GAS2L2: variants seen among roughly 807,000 people sequenced by gnomAD.
GAS2L2 encodes GAS2-like protein 2.
Under a neutral mutation model 35.2 loss-of-function variants are expected in GAS2L2, and 21 were observed. The ratio of observed to expected loss-of-function variants is 0.60; its 90% CI spans 0.42 to 0.86. The LOEUF (loss-of-function observed/expected upper bound fraction) is 0.86. Among genes scored for constraint, GAS2L2 ranks in the 40% least tolerant of loss-of-function variants. The pLI, the probability that GAS2L2 is intolerant of heterozygous loss-of-function variation, is 0.00. For missense variants in GAS2L2, 1,169 were observed against 1,144.4 expected (o/e 1.02, Z -0.31); for synonymous variants, 490 against 473.2 (o/e 1.04, Z -0.46).
chr17:35,751,145 A>G (rs1555599730), intron 1 of GAS2L2, among the ~76,000 whole-genome samples: 1 of 151,996 alleles, frequency 6.6e-6, no homozygotes, highest in African/African-American at 2.4e-5. Context: ...GGCCAATGAG[A>G]TGAAGGATCC....
At position 35,752,959 on chromosome 17, in the gene GAS2L2, C is replaced by T; in HGVS notation, c.-109G>A. 1 of 1,244,278 alleles carries T rather than the reference C, an allele frequency of 8.0e-7. No individual in the cohort carries two copies. Among genetic ancestry groups the T allele is most frequent in the East Asian group, 2.5e-5 (1 of 39,886 alleles). 77.1% of individuals were successfully genotyped at this position (1,244,278 alleles called of 1,614,324 possible). On this transcript the variant is annotated 5_prime_UTR_variant, in exon 1 of 6. Coordinates refer to ENST00000604641, the MANE Select transcript of GAS2L2 (RefSeq NM_139285.4). ...TGGGTTCTTCCTGATTCTGAGGTTC[C>T]CGTGTACTCGCTGAGAGCCCGGGAC...
In GAS2L2 at chr17:35,747,945, T is replaced by G; in HGVS notation, c.736A>C (p.Ile246Leu). 3.1e-6 allele frequency: 5 copies of G among 1,612,558 alleles called. No homozygotes were observed. Among genetic ancestry groups the G allele is most frequent in the Non-Finnish European group, 4.2e-6 (5 of 1,179,062 alleles). ...GDSNTLIFIR[I>L]LRNHVMVRVG... ...CGTACCATCACATGGTTCCGGAGGA[T>G]CTGAGGGGGCAAGGGTGAGGTTAAG... The change falls in exon 4 of 6, where the codon ATC (isoleucine) becomes CTC (leucine). Residue 246 changes from isoleucine (I) to leucine (L), a missense_variant and splice_region_variant. Coordinates refer to ENST00000604641, the MANE Select transcript of GAS2L2 (RefSeq NM_139285.4).
chr17:35,752,773 C>G lies in GAS2L2; in HGVS notation c.78G>C (p.Ser26=). 6.2e-7 allele frequency: 1 copy of G among 1,613,800 alleles called. No individual in the cohort carries two copies. The highest frequency in any genetic ancestry group is 8.5e-7 in the Non-Finnish European group (1 of 1,180,016). The change falls in exon 1 of 6, where the codon TCG becomes TCC. Residue 26 remains serine, a synonymous_variant. Transcript: ENST00000604641. ...TCATGGCCTCCAGGTACTGCTCACT[C>G]GACTTGAAAGGCCGGATACTGCACA... is the stretch of plus-strand genomic sequence containing the variant. ...PPVCSIRPFK[S]SEQYLEAMKE...
chr17:35,751,018 C>G (rs75496745), intron 1 of GAS2L2, among the ~76,000 whole-genome samples: 10,069 of 152,266 alleles, frequency 0.066, 434 homozygotes, highest in South Asian at 0.15. Flanking sequence ...AATTCTGTTC[C>G]TCAGTGCCCA....
At position 35,744,769 on chromosome 17, in the gene GAS2L2, C is replaced by T; in HGVS notation, c.*85G>A. 3 of 1,053,508 alleles carry T rather than the reference C, an allele frequency of 2.8e-6. No homozygotes were observed. The highest frequency in any genetic ancestry group is 2.1e-4 in the Middle Eastern group (1 of 4,788). 65.3% of individuals were successfully genotyped at this position (1,053,508 alleles called of 1,614,324 possible). On this transcript the variant is annotated 3_prime_UTR_variant, in exon 6 of 6. Transcript: ENST00000604641. Reference sequence around the variant, plus strand: ...AAGGCCCTGTGTGGAGGTGAGGGAACATCCCTTCTGTTCCCGCAGCTGTGA... The same window carrying T: ...AAGGCCCTGTGTGGAGGTGAGGGAATATCCCTTCTGTTCCCGCAGCTGTGA...
At chr17:35,748,036 G>A in intron 3 of GAS2L2, 91 bp from the exon 4 acceptor site, 3 of 896,530 alleles carry the variant, frequency 3.3e-6, no homozygotes, top group South Asian at 1.5e-5. Flanking sequence ...ACTCAGGGAT[G>A]CTCTCATCCA....
In GAS2L2 at chr17:35,745,433, TC is replaced by T. The variant is rs1555598754; in HGVS notation, c.2063del (p.Gly688AspfsTer22). On this transcript the variant is annotated frameshift_variant, in exon 6 of 6. Transcript: ENST00000604641. LOFTEE classifies it low-confidence loss of function (END_TRUNC). ...TGSPKPAVTP[G>X]PGSLKGKLGA... ...CCAACTTCCCTTTGAGGCTTCCCGG[TC>T]CTGGGGTAACAGCTGGCTTAGGGGA... The T allele has an allele frequency of 6.3e-7, 1 of 1,576,294 alleles. No homozygotes were observed. Among genetic ancestry groups the T allele is most frequent in the Non-Finnish European group, 8.6e-7 (1 of 1,160,168 alleles).
At position 35,745,762 on chromosome 17, in the gene GAS2L2, C is replaced by T. The variant is rs1555598820; in HGVS notation, c.1735G>A (p.Gly579Ser). 1.2e-6 allele frequency: 2 copies of T among 1,613,796 alleles called. No individual in the cohort carries two copies. Among genetic ancestry groups the T allele is most frequent in the Non-Finnish European group, 1.7e-6 (2 of 1,180,040 alleles). ...MAEARESWDL[G>S]LQEQEGRYTP... ...TACCGCCCCTCCTGCTCCTGTAGGC[C>T]CAGGTCCCAGGACTCTCTGGCCTCT... The change falls in exon 6 of 6, where the codon GGC (glycine) becomes AGC (serine). Residue 579 changes from glycine to serine, a missense_variant. Gly to Ser is a moderately conservative substitution (Grantham distance 56). This residue lies in a region of GAS2L2 where 1,035 missense variants were observed against 976.5 expected (regional missense o/e 1.06). Coordinates refer to ENST00000604641, the MANE Select transcript of GAS2L2 (RefSeq NM_139285.4).
In GAS2L2 at chr17:35,744,984, T is replaced by G. The variant is rs2085654533; in HGVS notation, c.2513A>C (p.Glu838Ala). 3.7e-6 allele frequency: 6 copies of G among 1,614,090 alleles called. No homozygotes were observed. The highest frequency in any genetic ancestry group is 5.1e-6 in the Non-Finnish European group (6 of 1,180,008). Residue 838 changes from glutamate (E) to alanine (A), a missense_variant, in exon 6 of 6, where the codon GAG becomes GCG. By Grantham distance (107) the Glu-to-Ala change is moderately radical (BLOSUM62 -1). Transcript: ENST00000604641. ...SRVDGASVGE[E>A]EEEGKEEKEP... ...TTTCTCCTCCTTTCCTTCCTCCTCC[T>G]CCTCACCTACTGAAGCTCCATCCAC...
Position 35,747,279 on chromosome 17 carries a change from TC to T in GAS2L2, c.833-12del. On this transcript the variant is annotated splice_polypyrimidine_tract_variant and intron_variant, in intron 4 of 5. Coordinates refer to ENST00000604641, the MANE Select transcript of GAS2L2 (RefSeq NM_139285.4). ...TGCCTGGCTTGTGTGCTACCAACAGTCCCCCGGAGAAAGGAGAGGAGAGAAG... is the reference window on the plus strand; with the variant it reads ...TGCCTGGCTTGTGTGCTACCAACAGTCCCCGGAGAAAGGAGAGGAGAGAAG... 2 of 1,598,082 alleles carry T rather than the reference TC, an allele frequency of 1.3e-6. No homozygotes were observed. Among genetic ancestry groups the T allele is most frequent in the Non-Finnish European group, 1.7e-6 (2 of 1,170,822 alleles).
At position 35,749,171 on chromosome 17, in the gene GAS2L2, A is replaced by G. The variant is rs782004435; in HGVS notation, c.674T>C (p.Met225Thr). The part of the protein sequence containing the change: ...SHCTCPVQFS[M>T]VKVSEGKYRV... ...GTACTTCCCCTCAGACACTTTGACCATGGAGAACTGCACTGGGCACGTGCA... is the reference window on the plus strand; with the variant it reads ...GTACTTCCCCTCAGACACTTTGACCGTGGAGAACTGCACTGGGCACGTGCA... Residue 225 changes from methionine to threonine, a missense_variant, in exon 3 of 6, where the codon ATG (methionine) becomes ACG (threonine). Met to Thr is a moderately conservative substitution (Grantham distance 81). Around this residue, in one of 3 missense-constraint regions of GAS2L2, gnomAD observed 1,035 missense variants for 976.5 expected, o/e 1.06. Coordinates refer to ENST00000604641, the MANE Select transcript of GAS2L2 (RefSeq NM_139285.4). 4.3e-6 allele frequency: 7 copies of G among 1,613,910 alleles called. No individual in the cohort carries two copies. The highest frequency in any genetic ancestry group is 2.7e-5 in the African/African-American group (2 of 74,916).
chr17:35,748,346 T>C (rs1555599320), intron 3 of GAS2L2, among the ~76,000 whole-genome samples: 1 of 152,208 alleles, frequency 6.6e-6, no homozygotes, highest in African/African-American at 2.4e-5. Context: ...GCAAGTCACA[T>C]GTCTCTTCAA....
Position 35,744,935 on chromosome 17 carries a change from G to C in GAS2L2, c.2562C>G (p.Ser854Arg), listed in dbSNP as rs1555598578. Residue 854 changes from serine (S) to arginine (R), a missense_variant, in exon 6 of 6, where the codon AGC (serine) becomes AGG (arginine). This residue lies in a region of GAS2L2 where 1,035 missense variants were observed against 976.5 expected (regional missense o/e 1.06). Coordinates refer to ENST00000604641, the MANE Select transcript of GAS2L2 (RefSeq NM_139285.4). Reference protein sequence around the residue: ...EEKEPAAPLESSPQPPEGLQP... With the variant: ...EEKEPAAPLERSPQPPEGLQP... Reference sequence around the variant, plus strand: ...GCAGGCCCTCTGGAGGTTGGGGGCTGCTCTCCAATGGAGCGGCTGGCTCTT... The same window carrying C: ...GCAGGCCCTCTGGAGGTTGGGGGCTCCTCTCCAATGGAGCGGCTGGCTCTT... 6.2e-7 allele frequency: 1 copy of C among 1,613,946 alleles called. No individual in the cohort carries two copies. Among genetic ancestry groups the C allele is most frequent in the Non-Finnish European group, 8.5e-7 (1 of 1,179,880 alleles).
In GAS2L2 at chr17:35,747,015, C is replaced by A; in HGVS notation, c.1085+1G>T. 1 of 1,563,320 alleles carries A rather than the reference C, an allele frequency of 6.4e-7. No homozygotes were observed. The highest frequency in any genetic ancestry group is 1.2e-5 in the South Asian group (1 of 82,756). On this transcript the variant is annotated splice_donor_variant, in intron 5 of 5. Coordinates refer to ENST00000604641, the MANE Select transcript of GAS2L2 (RefSeq NM_139285.4). LOFTEE classifies it high-confidence loss of function. ...GCCCCATCCCTGTCTCTTCCCCATA[C>A]CTCAGGAATGGTGCCATCTCTCTGG...
At position 35,745,769 on chromosome 17, in the gene GAS2L2, C is replaced by T; in HGVS notation, c.1728G>A (p.Trp576Ter). 6.2e-7 allele frequency: 1 copy of T among 1,613,838 alleles called. No homozygotes were observed. Among genetic ancestry groups the T allele is most frequent in the Non-Finnish European group, 8.5e-7 (1 of 1,180,046 alleles). ...CCTCCTGCTCCTGTAGGCCCAGGTC[C>T]CAGGACTCTCTGGCCTCTGCCATGA... ...IQVMAEARES[W>*]DLGLQEQEGR... The change falls in exon 6 of 6, where the codon TGG becomes TGA. Residue 576 changes from tryptophan to a stop codon, truncating the protein, a stop_gained. Transcript: ENST00000604641. LOFTEE classifies it low-confidence loss of function (END_TRUNC).
In GAS2L2 at chr17:35,752,422, C is replaced by T. The variant is rs1295239928; in HGVS notation, c.385+44G>A. ...CATTTGAGAAAGGACCAATACCCCCCAAGATAAGCATCTGGAATGGGGACG... is the reference window on the plus strand; with the variant it reads ...CATTTGAGAAAGGACCAATACCCCCTAAGATAAGCATCTGGAATGGGGACG... On this transcript the variant is annotated intron_variant, in intron 1 of 5. Transcript: ENST00000604641. The T allele has an allele frequency of 2.6e-6, 4 of 1,526,646 alleles. No homozygotes were observed. In the African/African-American group the frequency reaches 5.5e-5, roughly 21 times the overall value. The allele number at this position is 1,526,646 out of a possible 1,614,324, so 94.6% of individuals were successfully genotyped here.
chr17:35,746,816 C>T (rs2085671248), intron 5 of GAS2L2, among the ~76,000 whole-genome samples, 200 bp downstream of exon 5: 2 of 152,170 alleles, frequency 1.3e-5, no homozygotes, highest in Non-Finnish European at 2.9e-5. Flanking sequence ...TGAGCTTCAG[C>T]CTCCTCATCT....
Position 35,744,840 on chromosome 17 carries a change from C to T in GAS2L2, c.*14G>A, listed in dbSNP as rs587637432. 10 of 1,553,572 alleles carry T rather than the reference C, an allele frequency of 6.4e-6. No individual in the cohort carries two copies. In the African/African-American group the frequency reaches 1.2e-4, roughly 19 times the overall value. On this transcript the variant is annotated 3_prime_UTR_variant, in exon 6 of 6. Coordinates refer to ENST00000604641, the MANE Select transcript of GAS2L2 (RefSeq NM_139285.4). The stretch of plus-strand genomic sequence containing the variant: ...TCCTTTTTGCTTCCCTCCTACCCAA[C>T]ACGCTCATGTGCCTCAGACCCAGGA...
In GAS2L2 at chr17:35,745,171, G is replaced by C; in HGVS notation, c.2326C>G (p.Leu776Val). 2 of 1,612,610 alleles carry C rather than the reference G, an allele frequency of 1.2e-6. No homozygotes were observed. The highest frequency in any genetic ancestry group is 1.7e-6 in the Non-Finnish European group (2 of 1,178,892). Residue 776 changes from leucine to valine, a missense_variant, in exon 6 of 6, where the codon CTG (leucine) becomes GTG (valine). Transcript: ENST00000604641. ...KRVPSIYKLK[L>V]RPRIRPRRDH... ...CTCCGGGGCCGAATCCTGGGTCTCA[G>C]CTTCAGCTTGTAGATGGACGGGACC... is the stretch of plus-strand genomic sequence containing the variant.
Sources: gnomAD v4.1 joint callset for allele counts (sites outside exome capture counted in the v4.1 genomes callset) on GRCh38, gnomAD v4.1.1 for gene constraint, gnomAD v4.1.1 regional missense constraint, MANE v1.5 for transcripts, NCBI Gene and HGNC (gene_info 2026-07-23, HGNC 2026-07-21) for gene names.